Variants in PAX3 observed in about 807,000 individuals in gnomAD.
The protein encoded by PAX3 is paired box 3, also known as paired box protein Pax-3.
PAX3 carries 14 observed loss-of-function variants against 51.6 expected under a neutral mutation model. That is an observed-to-expected ratio of 0.27 (90% CI 0.18 to 0.42). PAX3 has a LOEUF of 0.42. Ranked by LOEUF, PAX3 falls within the 10% of genes least tolerant of loss-of-function variation. The pLI, the probability that PAX3 is intolerant of heterozygous loss-of-function variation, is 1.00. For synonymous variants in PAX3, 280 were observed against 253.4 expected (o/e 1.11, Z -1.00); for missense variants, 540 against 642.8 (o/e 0.84, Z 1.73).
intron 4 of PAX3, among the ~76,000 whole-genome samples, chr2:222,265,442 A>T (rs549085457): frequency 2.4e-4 from 36 of 152,306 alleles, no homozygotes; most frequent in African/African-American, 8.4e-4. Flanking sequence ...TCATGAGGTC[A>T]GGAGATCCAG....
intron 4 of PAX3, among the ~76,000 whole-genome samples, chr2:222,260,707 C>G (rs921490733): frequency 6.6e-6 from 1 of 150,486 alleles, no homozygotes; most frequent in African/African-American, 2.4e-5. Context: ...TTCTCCTCCT[C>G]AGCTTCCTGA....
intron 3 of PAX3, 88 bp from the exon 4 acceptor site, chr2:222,294,389 C>A: frequency 6.8e-7 from 1 of 1,469,572 alleles, no homozygotes; most frequent in East Asian, 2.3e-5. Context: ...CCCCCAAACA[C>A]CAGCCAGGGC....
chr2:222,249,912 G>T (rs996153909), intron 4 of PAX3, among the ~76,000 whole-genome samples: 1 of 152,110 alleles, frequency 6.6e-6, no homozygotes, highest in Admixed American at 6.6e-5. Flanking sequence ...ATGCTTATAA[G>T]CTACCTAGAG....
chr2:222,209,610 A>C (rs1018438780), intron 7 of PAX3, among the ~76,000 whole-genome samples: 1 of 146,624 alleles, frequency 6.8e-6, no homozygotes, highest in East Asian at 2.1e-4. Context: ...CTGTAATCTC[A>C]GCACTTTGGG....
At chr2:222,228,294 T>G (rs894309663) in intron 5 of PAX3, among the ~76,000 whole-genome samples, 2 of 152,176 alleles carry the variant, frequency 1.3e-5, no homozygotes, top group African/African-American at 4.8e-5. Context: ...TAAAGCCACA[T>G]TAAGACAGCT....
At chr2:222,267,271 A>G (rs1694085712) in intron 4 of PAX3, among the ~76,000 whole-genome samples, 1 of 152,172 alleles carries the variant, frequency 6.6e-6, no homozygotes, top group Admixed American at 6.5e-5. Context: ...GTCACCAAGG[A>G]GGTATGAGGA....
chr2:222,260,807 T>G (rs1006063516), intron 4 of PAX3, among the ~76,000 whole-genome samples: 1 of 151,914 alleles, frequency 6.6e-6, no homozygotes, highest in South Asian at 2.1e-4. Flanking sequence ...GACAGGCTGG[T>G]CTGGAACTCC....
At chr2:222,278,902 A>C (rs1694528343) in intron 4 of PAX3, among the ~76,000 whole-genome samples, 1 of 152,164 alleles carries the variant, frequency 6.6e-6, no homozygotes, top group South Asian at 2.1e-4. Context: ...CCATTTAACC[A>C]GTTAAAGGCT....
Position 222,298,591 on chromosome 2 carries a change from G to T in PAX3, c.25C>A (p.Pro9Thr). The T allele has an allele frequency of 6.2e-7, 1 of 1,607,922 alleles. No homozygotes were observed. The highest frequency in any genetic ancestry group is 8.5e-7 in the Non-Finnish European group (1 of 1,177,614). Residue 9 changes from proline to threonine, a missense_variant, in exon 1 of 9, where the codon CCC becomes ACC. Physicochemically the swap from Pro to Thr is conservative, Grantham distance 38. Coordinates refer to ENST00000392070, the MANE Select transcript of PAX3 (RefSeq NM_181458.4). Reference sequence around the variant, plus strand: ...CCCGGGCCCGGCCGCATCATCCTGGGCACAGCGCCGGCCAGCGTGGTCATC... The same window carrying T: ...CCCGGGCCCGGCCGCATCATCCTGGTCACAGCGCCGGCCAGCGTGGTCATC... MTTLAGAV[P>T]RMMRPGPGQN...
At chr2:222,215,749 T>C (rs1317668158) in intron 7 of PAX3, among the ~76,000 whole-genome samples, 1 of 152,138 alleles carries the variant, frequency 6.6e-6, no homozygotes, top group Non-Finnish European at 1.5e-5. Context: ...TAATGTACTC[T>C]CTGGGGATGG....
intron 4 of PAX3, chr2:222,262,409 C>CA: frequency 6.6e-6 from 1 of 152,166 alleles, no homozygotes; most frequent in East Asian, 1.9e-4. Flanking sequence ...TCAACCCCCC[C>CA]TCACCATTTT....
intron 4 of PAX3, among the ~76,000 whole-genome samples, chr2:222,240,222 A>T (rs1262042884): frequency 2.0e-5 from 3 of 152,084 alleles, no homozygotes; most frequent in African/African-American, 7.2e-5. Context: ...GTTGCTCCGG[A>T]GTTATTTTTA....
At chr2:222,215,163 C>T (rs750291683) in intron 7 of PAX3, among the ~76,000 whole-genome samples, 3 of 151,976 alleles carry the variant, frequency 2.0e-5, no homozygotes, top group Non-Finnish European at 2.9e-5. Flanking sequence ...GGATATCAAA[C>T]GGCTTCATAG....
chr2:222,223,965 T>C (rs1692292524), intron 5 of PAX3, among the ~76,000 whole-genome samples: 2 of 152,322 alleles, frequency 1.3e-5, no homozygotes, highest in South Asian at 4.1e-4. Context: ...TCAAGGTTCA[T>C]TCTAACTCCA....
At chr2:222,201,743 G>T (rs573451372) in intron 8 of PAX3, 4 of 1,467,406 alleles carry the variant, frequency 2.7e-6, no homozygotes, top group Admixed American at 5.1e-5. Context: ...ATTAATAACC[G>T]CAAGATGTTG....
At position 222,201,217 on chromosome 2, in the gene PAX3, G is replaced by C. The variant is rs186541215; in HGVS notation, c.*191C>G. The C allele has an allele frequency of 6.6e-5, 107 of 1,613,908 alleles. No individual in the cohort carries two copies. The African/African-American group carries it at 1.2e-3, about 18-fold the overall frequency. On this transcript the variant is annotated 3_prime_UTR_variant, in exon 9 of 9. Transcript: ENST00000392070. ...CTCTTCTCCACTGCTTTTGTCGAAC[G>C]TGTTCAAAAGGATTTGAAACCAACT...
chr2:222,268,159 T>G (rs2106155157), intron 4 of PAX3, among the ~76,000 whole-genome samples: 1 of 152,312 alleles, frequency 6.6e-6, no homozygotes, highest in Middle Eastern at 3.4e-3. Context: ...GCAAATAATC[T>G]GAGCAGAGTC....
In PAX3 at chr2:222,248,240, C is replaced by T. The variant is rs142332887; in HGVS notation, c.587-15957G>A. On this transcript the variant is annotated intron_variant, in intron 4 of 8. Coordinates refer to ENST00000392070, the MANE Select transcript of PAX3 (RefSeq NM_181458.4). ...TGTACACAAAAATCTGCTAAGAATT[C>T]ACTTTATGGCATTTAAAGTTTTCAT... Among the ~76,000 whole-genome samples the T allele has an allele frequency of 7.4e-4, 113 of 152,270 alleles. 1 individual carries two copies. In the East Asian group the frequency reaches 0.014, roughly 18 times the overall value.
At chr2:222,229,547 T>C (rs979146217) in intron 5 of PAX3, among the ~76,000 whole-genome samples, 8 of 151,972 alleles carry the variant, frequency 5.3e-5, no homozygotes, top group African/African-American at 1.9e-4. Flanking sequence ...TTCACCACCA[T>C]CTCTTCCTTG....
Sources: allele counts gnomAD v4.1 joint callset (sites outside exome capture counted in the v4.1 genomes callset), GRCh38; gene constraint gnomAD v4.1.1; transcripts MANE v1.5; gene names NCBI Gene and HGNC (gene_info 2026-07-23, HGNC 2026-07-21).